Variants in DPP10 observed in about 807,000 individuals in gnomAD.
The protein encoded by DPP10 is dipeptidyl peptidase like 10, also known as inactive dipeptidyl peptidase 10.
In DPP10, 33 loss-of-function variants were observed where a neutral mutation model predicts 120.9. That is an observed-to-expected ratio of 0.27 (90% CI 0.21 to 0.37). The LOEUF is 0.37. Ranked by LOEUF, DPP10 falls within the 10% of genes least tolerant of loss-of-function variation. DPP10 has a pLI of 1.00. For synonymous variants in DPP10, 337 were observed against 326.1 expected, an observed-to-expected ratio of 1.03 and a Z score of -0.36; for missense variants, 816 against 942.8, an observed-to-expected ratio of 0.87 and a Z score of 1.76.
At chr2:115,286,526 A>ATTATATATATATAT (rs10675008) in intron 1 of DPP10, among the ~76,000 whole-genome samples, 1 of 60,946 alleles carries the variant, frequency 1.6e-5, no homozygotes, top group African/African-American at 5.4e-5. Flanking sequence ...ATATATATAT[A>ATTATATATATATAT]ATATATATAT....
At chr2:114,876,029 T>A (rs1691123079) in intron 1 of DPP10, among the ~76,000 whole-genome samples, 1 of 152,120 alleles carries the variant, frequency 6.6e-6, no homozygotes, top group Admixed American at 6.6e-5. Context: ...GTATATTCAG[T>A]ATTCTTGCAA....
chr2:114,497,326 T>TGTATACATGTACATGTATACGA (rs1558814249), intron 1 of DPP10, among the ~76,000 whole-genome samples: 1 of 21,746 alleles, frequency 4.6e-5, no homozygotes, highest in Non-Finnish European at 1.3e-4. Flanking sequence ...CATGTATACG[T>TGTATACATGTACATGTATACGA]GTATACATGT....
At chr2:114,994,028 G>A (rs897320854) in intron 1 of DPP10, among the ~76,000 whole-genome samples, 1 of 151,968 alleles carries the variant, frequency 6.6e-6, no homozygotes, top group Non-Finnish European at 1.5e-5. Flanking sequence ...TATTCTTCAC[G>A]GAACTGACAT....
intron 4 of DPP10, among the ~76,000 whole-genome samples, chr2:115,500,218 T>G (rs960111856): frequency 1.3e-5 from 2 of 152,020 alleles, no homozygotes; most frequent in African/African-American, 2.4e-5. Context: ...TATAATTACC[T>G]ATTTGGTAAG....
At position 115,386,902 on chromosome 2, in the gene DPP10, TA is replaced by T. The variant is rs199853520; in HGVS notation, c.271+43004del. ...TGTTCATTACTTTTTAAGTACTCAG[TA>T]AAAAAAAAAAAAACTGTAAGAATAT... On this transcript the variant is annotated intron_variant, in intron 3 of 25. Coordinates refer to ENST00000410059, the MANE Select transcript of DPP10 (RefSeq NM_020868.6). Among the ~76,000 whole-genome samples the T allele has an allele frequency of 6.2e-3, 850 of 137,144 alleles. 6 individuals are homozygous for T. The highest frequency in any genetic ancestry group is 0.012 in the African/African-American group (448 of 37,218). 90.0% of individuals were successfully genotyped at this position (137,144 alleles called of 152,430 possible).
chr2:114,496,413 T>A (rs1682523093), intron 1 of DPP10, among the ~76,000 whole-genome samples: 1 of 152,134 alleles, frequency 6.6e-6, no homozygotes, highest in South Asian at 2.1e-4. Context: ...GGAAATTATT[T>A]CTTACAGTTC....
Position 115,207,416 on chromosome 2 carries a change from C to CAAAAAAA in DPP10, c.61-101799_61-101793dup, listed in dbSNP as rs57462947. 1.3e-3 allele frequency among the ~76,000 whole-genome samples: 68 copies of CAAAAAAA among 52,294 alleles called. 5 individuals are homozygous for CAAAAAAA. Among genetic ancestry groups the CAAAAAAA allele is most frequent in the Middle Eastern group, 0.014 (1 of 72 alleles). 34.3% of individuals were successfully genotyped at this position (52,294 alleles called of 152,430 possible). On this transcript the variant is annotated intron_variant, in intron 1 of 25. Coordinates refer to ENST00000410059, the MANE Select transcript of DPP10 (RefSeq NM_020868.6). ...GGTTTTTAAAGAGTGCTTACTGCACCAAAAAAAAAAAAAAAAAAAAAAAAA... is the reference window on the plus strand; with the variant it reads ...GGTTTTTAAAGAGTGCTTACTGCACCAAAAAAAAAAAAAAAAAAAAAAAAAAAAAAAA...
At chr2:115,037,570 G>A (rs1704313947) in intron 1 of DPP10, among the ~76,000 whole-genome samples, 1 of 152,160 alleles carries the variant, frequency 6.6e-6, no homozygotes, top group African/African-American at 2.4e-5. Flanking sequence ...ATGTTCCTTA[G>A]AGCAACTACA....
intron 21 of DPP10, among the ~76,000 whole-genome samples, chr2:115,828,429 A>C (rs1688598454): frequency 6.6e-6 from 1 of 152,018 alleles, no homozygotes; most frequent in Admixed American, 6.6e-5. Context: ...CAAATTTGGA[A>C]ATTTTTTATT....
At chr2:114,678,598 C>T (rs1197082601) in intron 1 of DPP10, among the ~76,000 whole-genome samples, 1 of 151,870 alleles carries the variant, frequency 6.6e-6, no homozygotes, top group Non-Finnish European at 1.5e-5. Context: ...TACAAAAGTT[C>T]TCTATTACAT....
At chr2:114,666,972 G>A (rs1251376621) in intron 1 of DPP10, among the ~76,000 whole-genome samples, 1 of 152,092 alleles carries the variant, frequency 6.6e-6, no homozygotes, top group Non-Finnish European at 1.5e-5. Context: ...AACATTTTCT[G>A]TAAAGGGACA....
intron 1 of DPP10, among the ~76,000 whole-genome samples, chr2:115,034,818 C>T (rs543311030): frequency 6.6e-6 from 1 of 152,276 alleles, no homozygotes; most frequent in African/African-American, 2.4e-5. Flanking sequence ...TTTCTCCTTC[C>T]TTTTTCACTG....
chr2:114,585,134 T>A (rs74430991), intron 1 of DPP10, among the ~76,000 whole-genome samples: 1 of 152,214 alleles, frequency 6.6e-6, no homozygotes, highest in Non-Finnish European at 1.5e-5. Context: ...CAGCGTATCA[T>A]GAGGCTGGAA....
chr2:114,684,927 G>A (rs143226210), intron 1 of DPP10, among the ~76,000 whole-genome samples: 84 of 152,018 alleles, frequency 5.5e-4, no homozygotes, highest in Non-Finnish European at 8.4e-4. Context: ...AAGTGGCTGC[G>A]GCTGATTGTG....
chr2:115,688,907 C>G (rs1036113840), intron 5 of DPP10, among the ~76,000 whole-genome samples: 24 of 152,118 alleles, frequency 1.6e-4, no homozygotes, highest in African/African-American at 5.6e-4. Flanking sequence ...TGTTATCTCA[C>G]TTCAACTTCA....
intron 3 of DPP10, among the ~76,000 whole-genome samples, chr2:115,456,104 C>T (rs139414830): frequency 0.018 from 2,729 of 151,850 alleles, 41 homozygotes; most frequent in South Asian, 0.038. Context: ...CTACAAAGAA[C>T]TTAAATTTAC....
chr2:115,806,595 A>T (rs1685999446), intron 19 of DPP10, among the ~76,000 whole-genome samples: 1 of 152,202 alleles, frequency 6.6e-6, no homozygotes, highest in African/African-American at 2.4e-5. Context: ...CCTACCAAGG[A>T]TGAAATACAG....
intron 1 of DPP10, among the ~76,000 whole-genome samples, chr2:115,190,264 C>T (rs1277464415): frequency 1.3e-5 from 2 of 152,132 alleles, no homozygotes. Context: ...TTAAATTCAT[C>T]TGGTACTCCT....
In DPP10 at chr2:115,376,586, A is replaced by G. The variant is rs185794320; in HGVS notation, c.271+32674A>G. Among the ~76,000 whole-genome samples, 479 of 151,420 alleles carry G rather than the reference A, an allele frequency of 3.2e-3. 9 individuals carry two copies. The highest frequency in any genetic ancestry group is 4.4e-4 in the Non-Finnish European group (30 of 67,898). On this transcript the variant is annotated intron_variant, in intron 3 of 25. Coordinates refer to ENST00000410059, the MANE Select transcript of DPP10 (RefSeq NM_020868.6). ...ATTATTATACTTTAAGTTTTAGGGT[A>G]CATGTGCACAATGTGCAGGTTAGTT...
Sources: allele counts gnomAD v4.1 joint callset (sites outside exome capture counted in the v4.1 genomes callset), GRCh38; gene constraint gnomAD v4.1.1; transcripts MANE v1.5; gene names NCBI Gene and HGNC (gene_info 2026-07-23, HGNC 2026-07-21).